OAS1: variants seen among roughly 807,000 people sequenced by gnomAD.
OAS1 encodes the protein 2'-5'-oligoadenylate synthase 1.
Under a neutral mutation model 38.5 loss-of-function variants are expected in OAS1, and 24 were observed. The observed-to-expected ratio is 0.62, with a 90% CI of 0.45 to 0.88. The LOEUF (loss-of-function observed/expected upper bound fraction) is 0.88, where lower values mean the gene tolerates loss of function less well. OAS1 is among the 40% of genes least tolerant of loss of function. The probability of loss-of-function intolerance (pLI) is 0.00; values close to 1 mark genes in which losing one functional copy is unlikely to be tolerated. For missense variants in OAS1, 482 were observed against 493.9 expected (o/e 0.98, Z 0.23); for synonymous variants, 169 against 193.9 (o/e 0.87, Z 1.07).
chr12:112,918,107 G>A, intron 5 of OAS1: 1 of 297,812 alleles, frequency 3.4e-6, no homozygotes, highest in Non-Finnish European at 6.0e-6. Context: ...GCTATATTGT[G>A]TAATGGTGGG....
intron 3 of OAS1, among the ~76,000 whole-genome samples, chr12:112,914,528 A>G (rs1044519466): frequency 6.6e-6 from 1 of 152,200 alleles, no homozygotes; most frequent in Non-Finnish European, 1.5e-5. Flanking sequence ...ACTGTTTTCC[A>G]TAGTGGTTGT....
At chr12:112,925,920 G>T (rs1292514102) in intron 6 of OAS1, among the ~76,000 whole-genome samples, 1 of 152,190 alleles carries the variant, frequency 6.6e-6, no homozygotes, top group East Asian at 1.9e-4. Context: ...CCTAAAGGAA[G>T]TTAGAGCTTA....
chr12:112,932,313 C>T (rs142554868), downstream of OAS1: 714 of 164,324 alleles, frequency 4.3e-3, no homozygotes, highest in African/African-American at 0.016. Flanking sequence ...ATGACATGGC[C>T]GGGCACAGTG....
At position 112,911,133 on chromosome 12, in the gene OAS1, C is replaced by T. The variant is rs773579176; in HGVS notation, c.552C>T (p.Gly184=). The T allele has an allele frequency of 4.3e-6, 7 of 1,614,038 alleles. No individual in the cohort carries two copies. The East Asian group carries it at 8.9e-5, about 21-fold the overall frequency. Residue 184 remains glycine, a synonymous_variant, in exon 3 of 6, where the codon GGC becomes GGT. Transcript: ENST00000202917. ...IEECTDLQKE[G]EFSTCFTELQ... Reference sequence around the variant, plus strand: ...AGTGCACCGACCTGCAGAAAGAGGGCGAGTTCTCCACCTGCTTCACAGAAC... The same window carrying T: ...AGTGCACCGACCTGCAGAAAGAGGGTGAGTTCTCCACCTGCTTCACAGAAC...
At chr12:112,907,587 A>G (rs2043314370) in intron 1 of OAS1, 1 of 200,914 alleles carries the variant, frequency 5.0e-6, no homozygotes, top group Non-Finnish European at 1.0e-5. Flanking sequence ...GCAGTGAAGA[A>G]TCATATGTTT....
At chr12:112,918,764 T>G in intron 5 of OAS1, 1 of 379,248 alleles carries the variant, frequency 2.6e-6, no homozygotes, top group South Asian at 1.9e-5. Context: ...TGGGAGACTC[T>G]GAGCAGCTGA....
chr12:112,925,500 C>T (rs1373527241), intron 6 of OAS1, among the ~76,000 whole-genome samples: 1 of 152,200 alleles, frequency 6.6e-6, no homozygotes. Context: ...TACCTAACTC[C>T]TTGGTGAAAC....
In OAS1 at chr12:112,907,085, A is replaced by T; in HGVS notation, c.46A>T (p.Ile16Phe). 2 of 1,614,254 alleles carry T rather than the reference A, an allele frequency of 1.2e-6. No individual in the cohort carries two copies. Among genetic ancestry groups the T allele is most frequent in the Non-Finnish European group, 1.7e-6 (2 of 1,180,042 alleles). The stretch of plus-strand genomic sequence containing the variant: ...CCCAGCCAAATCTCTGGACAAGTTC[A>T]TTGAAGACTATCTCTTGCCAGACAC... ...NTPAKSLDKFIEDYLLPDTCF... is the reference protein window; with the variant it reads ...NTPAKSLDKFFEDYLLPDTCF... Residue 16 changes from isoleucine to phenylalanine, a missense_variant, in exon 1 of 6, where the codon ATT becomes TTT. Physicochemically the swap from Ile to Phe is conservative, Grantham distance 21. Transcript: ENST00000202917.
At chr12:112,913,174 A>G (rs1168309422) in intron 3 of OAS1, among the ~76,000 whole-genome samples, 1 of 152,182 alleles carries the variant, frequency 6.6e-6, no homozygotes, top group Non-Finnish European at 1.5e-5. Flanking sequence ...AGTATATTGA[A>G]TATATCATTC....
chr12:112,919,124 C>A (rs947857273), intron 5 of OAS1: 2 of 435,136 alleles, frequency 4.6e-6, no homozygotes, highest in African/African-American at 4.0e-5. Flanking sequence ...GGCTTCTATA[C>A]CCCTACGTGG....
intron 1 of OAS1, 64 bp downstream of exon 1, chr12:112,907,283 T>TGAGAGAGA (rs150398756): frequency 1.4e-6 from 2 of 1,459,888 alleles, no homozygotes; most frequent in African/African-American, 1.4e-5. Context: ...AGATTGAGAA[T>TGAGAGAGA]GAGAGAGAGA....
At chr12:112,908,178 A>C (rs1416078329) in intron 1 of OAS1, among the ~76,000 whole-genome samples, 1 of 151,562 alleles carries the variant, frequency 6.6e-6, no homozygotes, top group Non-Finnish European at 1.5e-5. Flanking sequence ...GATTAAGTAA[A>C]ATAGTAAGTG....
At chr12:112,908,285 G>A (rs1450206579) in intron 1 of OAS1, among the ~76,000 whole-genome samples, 2 of 152,156 alleles carry the variant, frequency 1.3e-5, no homozygotes, top group Non-Finnish European at 2.9e-5. Flanking sequence ...AATTGTATTT[G>A]CCACCTACTA....
chr12:112,923,122 C>T (rs1298667792), downstream of OAS1, among the ~76,000 whole-genome samples: 2 of 152,154 alleles, frequency 1.3e-5, no homozygotes, highest in African/African-American at 2.4e-5. Context: ...TTTTCTTTAA[C>T]GAATTTATCC....
chr12:112,918,573 T>A (rs1302723742), intron 5 of OAS1: 3 of 441,354 alleles, frequency 6.8e-6, no homozygotes, highest in Non-Finnish European at 1.4e-5. Context: ...ATGAGGCATG[T>A]TTTCTATCAT....
At chr12:112,910,728 G>A (rs1361546485) in intron 2 of OAS1, among the ~76,000 whole-genome samples, 4 of 152,188 alleles carry the variant, frequency 2.6e-5, no homozygotes, top group Non-Finnish European at 5.9e-5. Flanking sequence ...AAGATCTTTG[G>A]GTTTTAAAAT....
rs7967461 is a variant in OAS1, at chr12:112,931,954, G to C, written c.*32G>C. 482,705 of 700,014 alleles carry C rather than the reference G, an allele frequency of 0.69. 170,199 individuals carry two copies. The highest frequency in any genetic ancestry group is 0.93 in the African/African-American group (52,868 of 57,090). 43.4% of individuals were successfully genotyped at this position (700,014 alleles called of 1,614,324 possible). A position where few individuals can be genotyped will look rare whatever the true frequency, so the allele number is the denominator to read the frequency against. ...TGCGGTGAATTTGCAACAGACAAGA[G>C]GAGCCTCATTATCCTATAGTTTCCA... On this transcript the variant is annotated 3_prime_UTR_variant, in exon 7 of 7. Coordinates refer to the OAS1 transcript ENST00000540589.
intron 2 of OAS1, chr12:112,909,128 T>C: frequency 2.4e-6 from 1 of 415,312 alleles, no homozygotes; most frequent in East Asian, 3.5e-5. Context: ...AGATGTGGCT[T>C]AAAGTTCATG....
In OAS1 at chr12:112,906,965, C is replaced by A; in HGVS notation, c.-75C>A. ...CTGAGGAAACGAAACCAACAGCAGT[C>A]CAAGCTCAGTCAGCAGAAGAGATAA... On this transcript the variant is annotated 5_prime_UTR_variant, in exon 1 of 6. Transcript: ENST00000202917. 1 of 1,527,428 alleles carries A rather than the reference C, an allele frequency of 6.5e-7. No individual in the cohort carries two copies. The highest frequency in any genetic ancestry group is 1.2e-5 in the South Asian group (1 of 85,414). 94.6% of individuals were successfully genotyped at this position (1,527,428 alleles called of 1,614,324 possible). A position where few individuals can be genotyped will look rare whatever the true frequency, so the allele number is the denominator to read the frequency against.
Sources: allele counts gnomAD v4.1 joint callset (sites outside exome capture counted in the v4.1 genomes callset), GRCh38; gene constraint gnomAD v4.1.1; transcripts MANE v1.5; gene names NCBI Gene and HGNC (gene_info 2026-07-23, HGNC 2026-07-21).